The following FHOD3 variants were observed in gnomAD, a reference collection of about 807,000 sequenced individuals.
The protein encoded by FHOD3 is formin homology 2 domain containing 3, also known as FH1/FH2 domain-containing protein 3.
A neutral mutation model predicts 173.0 loss-of-function variants in FHOD3; 90 were observed. The observed-to-expected ratio is 0.52, with a 90% CI of 0.44 to 0.62. The LOEUF (loss-of-function observed/expected upper bound fraction) is 0.62. FHOD3 is among the 20% of genes least tolerant of loss of function. The pLI is 0.00. For missense variants in FHOD3, 1,945 were observed against 2,034.7 expected (o/e 0.96, Z 0.85); for synonymous variants, 828 against 823.0 (o/e 1.01, Z -0.10).
Position 36,780,038 on chromosome 18 carries a change from T to C in FHOD3, c.*508T>C. 1 of 801,848 alleles carries C rather than the reference T, an allele frequency of 1.2e-6. No individual in the cohort carries two copies. Among genetic ancestry groups the C allele is most frequent in the Non-Finnish European group, 1.7e-6 (1 of 594,878 alleles). The allele number at this position is 801,848 out of a possible 1,614,324, so 49.7% of individuals were successfully genotyped here. On this transcript the variant is annotated 3_prime_UTR_variant, in exon 29 of 29. Coordinates refer to ENST00000590592, the MANE Select transcript of FHOD3 (RefSeq NM_001281740.3). ...TGTACACCATGTTTCAAATACTAAA[T>C]AAATAGAGTTTAATGCCATAATGAG... is the stretch of plus-strand genomic sequence containing the variant.
At chr18:36,544,155 G>A (rs897557962) in intron 5 of FHOD3, among the ~76,000 whole-genome samples, 2 of 152,170 alleles carry the variant, frequency 1.3e-5, no homozygotes, top group Non-Finnish European at 2.9e-5. Flanking sequence ...TTGAATATTA[G>A]AGCAGCTGCG....
intron 2 of FHOD3, among the ~76,000 whole-genome samples, chr18:36,367,211 C>T (rs927831263): frequency 2.0e-5 from 3 of 152,174 alleles, no homozygotes; most frequent in African/African-American, 7.2e-5. Flanking sequence ...GTTCTTTTAG[C>T]GGTAGTGCCG....
At chr18:36,486,388 G>A (rs552567554) in intron 3 of FHOD3, among the ~76,000 whole-genome samples, 8 of 152,254 alleles carry the variant, frequency 5.3e-5, no homozygotes, top group African/African-American at 1.7e-4. Context: ...CTTGAAACAG[G>A]GTCTTGCTCT....
chr18:36,454,740 C>G (rs1259207597), intron 3 of FHOD3, among the ~76,000 whole-genome samples: 1 of 152,050 alleles, frequency 6.6e-6, no homozygotes, highest in African/African-American at 2.4e-5. Flanking sequence ...CCCCTGACCC[C>G]TTTTTAGCCT....
At chr18:36,494,898 G>A (rs987457533) in intron 3 of FHOD3, among the ~76,000 whole-genome samples, 1 of 152,160 alleles carries the variant, frequency 6.6e-6, no homozygotes, top group African/African-American at 2.4e-5. Flanking sequence ...AGGTAGAAGA[G>A]GATCCAGCAG....
intron 6 of FHOD3, among the ~76,000 whole-genome samples, chr18:36,582,101 T>C (rs376046218): frequency 2.0e-5 from 3 of 152,100 alleles, no homozygotes; most frequent in African/African-American, 7.2e-5. Flanking sequence ...GAGTTGGACA[T>C]TGGGGTTTGT....
At chr18:36,422,668 G>C (rs1400767687) in intron 3 of FHOD3, among the ~76,000 whole-genome samples, 1 of 152,122 alleles carries the variant, frequency 6.6e-6, no homozygotes, top group African/African-American at 2.4e-5. Flanking sequence ...TGACCTAAGG[G>C]GCTGCTTTTC....
At chr18:36,655,029 A>C (rs2149143395) in intron 13 of FHOD3, among the ~76,000 whole-genome samples, 1 of 150,620 alleles carries the variant, frequency 6.6e-6, no homozygotes, top group East Asian at 1.9e-4. Context: ...AGGAGTTGTG[A>C]ACTGAGCTTC....
intron 3 of FHOD3, among the ~76,000 whole-genome samples, chr18:36,421,681 G>A (rs1039406080): frequency 3.9e-5 from 6 of 152,198 alleles, no homozygotes; most frequent in African/African-American, 1.4e-4. Context: ...TCCAGAATCA[G>A]CAGTCAACAA....
intron 10 of FHOD3, among the ~76,000 whole-genome samples, chr18:36,628,320 A>G (rs1241262962): frequency 6.6e-6 from 1 of 152,186 alleles, no homozygotes; most frequent in Non-Finnish European, 1.5e-5. Context: ...TCCAAAGTAT[A>G]CAGACTCCTT....
At chr18:36,494,019 C>T (rs554799305) in intron 3 of FHOD3, among the ~76,000 whole-genome samples, 2 of 152,288 alleles carry the variant, frequency 1.3e-5, no homozygotes, top group South Asian at 2.1e-4. Context: ...CCCCTACTTC[C>T]GTTCTTGAAG....
intron 3 of FHOD3, among the ~76,000 whole-genome samples, chr18:36,404,258 T>C (rs1208967789): frequency 6.6e-6 from 1 of 152,186 alleles, no homozygotes; most frequent in African/African-American, 2.4e-5. Context: ...TGTTGCCTGC[T>C]TGGGGTGTTG....
Position 36,718,136 on chromosome 18 carries a change from T to C in FHOD3, c.2838T>C (p.Ser946=). ...AAGCATTTGCTGAGAAATTCAACAG[T>C]GGGGACCTGGGGAGAGGTTCCATCT... ...SVKAFAEKFN[S]GDLGRGSISP... The change falls in exon 19 of 29, where the codon AGT becomes AGC. Residue 946 remains serine, a synonymous_variant. Coordinates refer to ENST00000590592, the MANE Select transcript of FHOD3 (RefSeq NM_001281740.3). The C allele has an allele frequency of 6.2e-7, 1 of 1,605,356 alleles. No individual in the cohort carries two copies. The highest frequency in any genetic ancestry group is 2.2e-5 in the East Asian group (1 of 44,812).
At chr18:36,653,539 C>T in intron 13 of FHOD3, 123 bp downstream of exon 13, 1 of 720,608 alleles carries the variant, frequency 1.4e-6, no homozygotes, top group Non-Finnish European at 2.3e-6. Context: ...ACAGTTTGAA[C>T]CACTTCATAG....
At chr18:36,695,526 G>A (rs986415128) in intron 17 of FHOD3, among the ~76,000 whole-genome samples, 2 of 152,104 alleles carry the variant, frequency 1.3e-5, no homozygotes. Context: ...ATTTGATGTT[G>A]TTTGCTTTTT....
At chr18:36,308,155 A>G (rs2092151806) in intron 1 of FHOD3, among the ~76,000 whole-genome samples, 1 of 152,238 alleles carries the variant, frequency 6.6e-6, no homozygotes, top group Admixed American at 6.5e-5. Context: ...TTGGAGGTTT[A>G]GGTAGTTGCC....
intron 3 of FHOD3, among the ~76,000 whole-genome samples, chr18:36,380,552 GTTTTC>G (rs751185984): frequency 0.093 from 7,272 of 78,466 alleles, 567 homozygotes; most frequent in South Asian, 0.15. Flanking sequence ...TCTTTCTTTT[GTTTTC>G]TTTTCTTTTC....
chr18:36,717,383 T>G (rs1568660820), intron 18 of FHOD3, among the ~76,000 whole-genome samples: 1 of 152,242 alleles, frequency 6.6e-6, no homozygotes, highest in East Asian at 1.9e-4. Flanking sequence ...TGAGGCACTT[T>G]GAGCTGCACT....
intron 18 of FHOD3, among the ~76,000 whole-genome samples, chr18:36,711,637 G>A (rs953343371): frequency 4.6e-5 from 7 of 152,056 alleles, no homozygotes; most frequent in African/African-American, 1.7e-4. Flanking sequence ...ATTGCTCCTG[G>A]GTCCTCCCTC....
Sources: gnomAD v4.1 joint callset for allele counts (sites outside exome capture counted in the v4.1 genomes callset) on GRCh38, gnomAD v4.1.1 for gene constraint, MANE v1.5 for transcripts, NCBI Gene and HGNC (gene_info 2026-07-23, HGNC 2026-07-21) for gene names.